PRKCA: variants seen among roughly 807,000 people sequenced by gnomAD.
The protein encoded by PRKCA is protein kinase C alpha.
In PRKCA, 27 loss-of-function variants were observed where a neutral mutation model predicts 87.0. The observed-to-expected ratio is 0.31, with a 90% CI of 0.23 to 0.43. The LOEUF is 0.43. Ranked by LOEUF, PRKCA falls within the 20% of genes least tolerant of loss-of-function variation. The pLI, the probability that PRKCA is intolerant of heterozygous loss-of-function variation, is 1.00. For synonymous variants in PRKCA, 329 were observed against 311.1 expected (o/e 1.06, Z -0.61); for missense variants, 518 against 852.3 (o/e 0.61, Z 4.88).
At chr17:66,359,372 T>C (rs569090455) in intron 2 of PRKCA, among the ~76,000 whole-genome samples, 1 of 152,312 alleles carries the variant, frequency 6.6e-6, no homozygotes, top group African/African-American at 2.4e-5. Context: ...TTAAAAAAAA[T>C]TATCAGTTTC....
At position 66,471,509 on chromosome 17, in the gene PRKCA, C is replaced by A. The variant is rs193035969; in HGVS notation, c.206-24692C>A. ...AACAGTGTGTTATAGACAGTATAGT[C>A]CACAAGGAAAAGTAGTCATCACTGA... On this transcript the variant is annotated intron_variant, in intron 2 of 16. Coordinates refer to ENST00000413366, the MANE Select transcript of PRKCA (RefSeq NM_002737.3). Among the ~76,000 whole-genome samples the A allele has an allele frequency of 1.6e-4, 25 of 152,288 alleles. No homozygotes were observed. In the East Asian group the frequency reaches 4.6e-3, roughly 28 times the overall value.
intron 2 of PRKCA, among the ~76,000 whole-genome samples, chr17:66,315,481 T>C (rs1905267116): frequency 3.4e-4 from 1 of 2,982 alleles, no homozygotes; most frequent in African/African-American, 5.7e-4. Flanking sequence ...GTGTTTTTTC[T>C]TTTTTTTTTT....
intron 5 of PRKCA, among the ~76,000 whole-genome samples, chr17:66,670,675 A>C (rs983734859): frequency 6.6e-6 from 1 of 151,930 alleles, no homozygotes; most frequent in Admixed American, 6.6e-5. Flanking sequence ...GGGCCTGGAC[A>C]TGGTGAAATC....
At chr17:66,309,595 G>T (rs1391484067) in intron 2 of PRKCA, among the ~76,000 whole-genome samples, 1 of 152,210 alleles carries the variant, frequency 6.6e-6, no homozygotes, top group Admixed American at 6.5e-5. Flanking sequence ...TGAGTGTGTA[G>T]TAGATTTCCA....
chr17:66,614,048 C>T (rs1223541901), intron 3 of PRKCA, among the ~76,000 whole-genome samples: 1 of 152,082 alleles, frequency 6.6e-6, no homozygotes, highest in Non-Finnish European at 1.5e-5. Context: ...GCCTTGGCCT[C>T]CCCGAGTGCT....
chr17:66,407,788 T>G (rs1400687370), intron 2 of PRKCA, among the ~76,000 whole-genome samples: 2 of 152,226 alleles, frequency 1.3e-5, no homozygotes, highest in African/African-American at 4.8e-5. Flanking sequence ...ATTTTATGGT[T>G]CATTAACAGA....
intron 3 of PRKCA, among the ~76,000 whole-genome samples, chr17:66,609,396 A>G (rs1160118493): frequency 6.6e-6 from 1 of 152,200 alleles, no homozygotes; most frequent in Non-Finnish European, 1.5e-5. Context: ...GCGTGTCTAT[A>G]TGAAGCAGTG....
chr17:66,585,924 G>A (rs762545160), intron 3 of PRKCA, among the ~76,000 whole-genome samples: 3 of 152,202 alleles, frequency 2.0e-5, no homozygotes, highest in African/African-American at 7.2e-5. Flanking sequence ...CAGTCATTTA[G>A]GGTCCTCAGT....
At chr17:66,539,179 T>C (rs1427445924) in intron 3 of PRKCA, among the ~76,000 whole-genome samples, 1 of 152,194 alleles carries the variant, frequency 6.6e-6, no homozygotes, top group Non-Finnish European at 1.5e-5. Flanking sequence ...ATTTTCACTC[T>C]TGTTTTTTCC....
chr17:66,565,616 C>T (rs1815368096), intron 3 of PRKCA, among the ~76,000 whole-genome samples: 1 of 152,116 alleles, frequency 6.6e-6, no homozygotes, highest in Admixed American at 6.6e-5. Flanking sequence ...CATAGGAGGC[C>T]CCTTTTTCTT....
chr17:66,339,396 C>T (rs1001762164), intron 2 of PRKCA, among the ~76,000 whole-genome samples: 18 of 152,188 alleles, frequency 1.2e-4, no homozygotes, highest in African/African-American at 3.4e-4. Flanking sequence ...ACATTTCTTA[C>T]GCTTCCACTT....
intron 16 of PRKCA, chr17:66,797,014 T>C (rs1975685644): frequency 1.0e-6 from 1 of 963,808 alleles, no homozygotes; most frequent in East Asian, 1.1e-4. Flanking sequence ...AACAGCAGTG[T>C]TTTGAGCTAC....
At chr17:66,751,862 A>G (rs915888174) in intron 13 of PRKCA, among the ~76,000 whole-genome samples, 1 of 152,184 alleles carries the variant, frequency 6.6e-6, no homozygotes, top group African/African-American at 2.4e-5. Flanking sequence ...TAGCCAGAGC[A>G]AGAGAGAGAG....
chr17:66,428,605 G>A (rs1050084693), intron 2 of PRKCA, among the ~76,000 whole-genome samples: 2 of 151,608 alleles, frequency 1.3e-5, no homozygotes, highest in African/African-American at 4.9e-5. Flanking sequence ...CTGGGTTTAA[G>A]CAATTCTCCT....
At chr17:66,737,124 G>A (rs543885708) in intron 10 of PRKCA, among the ~76,000 whole-genome samples, 35 of 151,716 alleles carry the variant, frequency 2.3e-4, no homozygotes, top group East Asian at 7.8e-4. Context: ...AGGCCAAGGC[G>A]GGCAGATCAC....
chr17:66,339,547 C>T (rs887773481), intron 2 of PRKCA, among the ~76,000 whole-genome samples: 3 of 152,120 alleles, frequency 2.0e-5, no homozygotes, highest in Non-Finnish European at 4.4e-5. Context: ...AAAAACTGCT[C>T]CTATAAAGCA....
chr17:66,375,443 G>C (rs546061320), intron 2 of PRKCA, among the ~76,000 whole-genome samples: 1 of 152,240 alleles, frequency 6.6e-6, no homozygotes, highest in Admixed American at 6.5e-5. Flanking sequence ...TGGTCTGCTT[G>C]GTTGGAAGTG....
At chr17:66,451,562 T>C (rs1355789063) in intron 2 of PRKCA, among the ~76,000 whole-genome samples, 1 of 152,178 alleles carries the variant, frequency 6.6e-6, no homozygotes, top group Non-Finnish European at 1.5e-5. Flanking sequence ...TTAATTTTCA[T>C]GTTGTAGCGA....
intron 2 of PRKCA, among the ~76,000 whole-genome samples, chr17:66,386,866 T>C (rs970949863): frequency 6.6e-6 from 1 of 152,222 alleles, no homozygotes; most frequent in African/African-American, 2.4e-5. Flanking sequence ...TACTTATCTT[T>C]ACTCTTGGCC....
Sources: gnomAD v4.1 joint callset for allele counts (sites outside exome capture counted in the v4.1 genomes callset) on GRCh38, gnomAD v4.1.1 for gene constraint, MANE v1.5 for transcripts, NCBI Gene and HGNC (gene_info 2026-07-23, HGNC 2026-07-21) for gene names.